The following PRICKLE3 variants were observed in gnomAD, a reference collection of about 807,000 sequenced individuals.
PRICKLE3 encodes the protein LIM domain only protein 6.
In PRICKLE3, 17 loss-of-function variants were observed where a neutral mutation model predicts 33.8. That is an observed-to-expected ratio of 0.50 (90% CI 0.34 to 0.75). The LOEUF (loss-of-function observed/expected upper bound fraction) is 0.75. Ranked by LOEUF, PRICKLE3 falls within the 30% of genes least tolerant of loss-of-function variation. PRICKLE3 has a pLI of 0.01. For synonymous variants in PRICKLE3, 211 were observed against 219.6 expected, an observed-to-expected ratio of 0.96 and a Z score of 0.34; for missense variants, 573 against 576.7, an observed-to-expected ratio of 0.99 and a Z score of 0.07.
At position 49,178,077 on chromosome X, in the gene PRICKLE3, C is replaced by T; in HGVS notation, c.871G>A (p.Val291Ile). 8.5e-7 allele frequency: 1 copy of T among 1,178,076 alleles called. No individual in the cohort carries two copies. Among genetic ancestry groups the T allele is most frequent in the African/African-American group, 1.7e-5 (1 of 57,186 alleles). The change falls in exon 7 of 9, where the codon GTC becomes ATC. Residue 291 changes from valine (V) to isoleucine (I), a missense_variant. Transcript: ENST00000599218. ...CEASLGGQRY[V>I]MRQSRPHCCA... Reference sequence around the variant, plus strand: ...CAGTGGGGGCGGCTCTGACGCATGACATAGCGCTGCCCTCCTAGTGAAGCT... The same window carrying T: ...CAGTGGGGGCGGCTCTGACGCATGATATAGCGCTGCCCTCCTAGTGAAGCT...
chrX:49,178,189 G>T lies in PRICKLE3; in HGVS notation c.769-10C>A. Reference sequence around the variant, plus strand: ...CAGGGGAGAAGATGATCTGGAGGGCGCAGGCCATCTGTGGCTGTCAGATGA... The same window carrying T: ...CAGGGGAGAAGATGATCTGGAGGGCTCAGGCCATCTGTGGCTGTCAGATGA... On this transcript the variant is annotated splice_polypyrimidine_tract_variant and intron_variant, in intron 6 of 8. Transcript: ENST00000599218. 1 of 1,193,229 alleles carries T rather than the reference G, an allele frequency of 8.4e-7. No homozygotes were observed. The highest frequency in any genetic ancestry group is 1.1e-6 in the Non-Finnish European group (1 of 883,520).
At chrX:49,182,938 C>T (rs2065464199) in intron 3 of PRICKLE3, among the ~76,000 whole-genome samples, 5 of 109,306 alleles carry the variant, frequency 4.6e-5, no homozygotes, top group African/African-American at 1.7e-4. Flanking sequence ...ATTCTCCTGC[C>T]TCAGCCTCCT....
At chrX:49,180,213 G>A (rs1220307700) in intron 3 of PRICKLE3, among the ~76,000 whole-genome samples, 1 of 109,080 alleles carries the variant, frequency 9.2e-6, no homozygotes, top group African/African-American at 3.3e-5. Flanking sequence ...TTTATTTTTA[G>A]TAGAGACAGG....
At chrX:49,182,421 T>C (rs2065461463) in intron 3 of PRICKLE3, among the ~76,000 whole-genome samples, 1 of 112,135 alleles carries the variant, frequency 8.9e-6, no homozygotes, top group Non-Finnish European at 1.9e-5. Flanking sequence ...CAAAGTCCTC[T>C]CCATAGCCCC....
intron 8 of PRICKLE3, 51 bp from the exon 9 acceptor site, chrX:49,176,316 C>A: frequency 1.0e-6 from 1 of 972,938 alleles, no homozygotes; most frequent in African/African-American, 2.0e-5. Context: ...CCCACTGGCC[C>A]CCTCCTAAGA....
intron 7 of PRICKLE3, 138 bp downstream of exon 7, chrX:49,177,855 G>T: frequency 2.9e-6 from 2 of 683,422 alleles, no homozygotes; most frequent in Non-Finnish European, 4.2e-6. Flanking sequence ...AAGCGTACAG[G>T]TCTATAGTGT....
chrX:49,178,413 G>A lies in PRICKLE3; in HGVS notation c.627C>T (p.Ala209=). ...AVFASRAGLG[A]CWHPQCFVCT... is the part of the protein sequence containing the mutation. ...ACACGAAGCACTGTGGGTGCCAGCA[G>A]GCACCCAGGCCTGCACGGCTGGCAA... Residue 209 remains alanine, a synonymous_variant, in exon 6 of 9, where the codon GCC becomes GCT. Coordinates refer to ENST00000599218, the MANE Select transcript of PRICKLE3 (RefSeq NM_006150.5). 2 of 1,212,056 alleles carry A rather than the reference G, an allele frequency of 1.7e-6. No individual in the cohort carries two copies. Among genetic ancestry groups the A allele is most frequent in the Non-Finnish European group, 2.2e-6 (2 of 895,407 alleles).
chrX:49,183,997 C>A, intron 2 of PRICKLE3, 80 bp from the exon 3 acceptor site: 1 of 1,081,400 alleles, frequency 9.2e-7, no homozygotes. Context: ...AATGGAGGAG[C>A]GGGGACATAC....
In PRICKLE3 at chrX:49,184,670, T is replaced by G; in HGVS notation, c.83A>C (p.Asn28Thr). ...GCCAGGGCACTGCTCCCTACAGGAG[T>G]TGCAGGGCTGGCCCCGGTCTGGGTC... is the stretch of plus-strand genomic sequence containing the variant. The part of the protein sequence containing the change: ...AEDPDRGQPC[N>T]SCREQCPGFL... Residue 28 changes from asparagine to threonine, a missense_variant, in exon 2 of 9, where the codon AAC (asparagine) becomes ACC (threonine). Coordinates refer to ENST00000599218, the MANE Select transcript of PRICKLE3 (RefSeq NM_006150.5). 1 of 1,149,025 alleles carries G rather than the reference T, an allele frequency of 8.7e-7. No homozygotes were observed. Among genetic ancestry groups the G allele is most frequent in the Admixed American group, 2.7e-5 (1 of 37,606 alleles). 94.7% of individuals were successfully genotyped at this position (1,149,025 alleles called of 1,213,427 possible). A position where few individuals can be genotyped will look rare whatever the true frequency, so the allele number is the denominator to read the frequency against.
Position 49,176,273 on chromosome X carries a change from G to A in PRICKLE3, c.1256-8C>T, listed in dbSNP as rs1046644912. ...GCTCCTCAGGGCCTGTAGCTGTTAAGGGGGAGACAGAGTGACTCCTTGTAT... is the reference window on the plus strand; with the variant it reads ...GCTCCTCAGGGCCTGTAGCTGTTAAAGGGGAGACAGAGTGACTCCTTGTAT... On this transcript the variant is annotated splice_region_variant and splice_polypyrimidine_tract_variant and intron_variant, in intron 8 of 8. Transcript: ENST00000599218. 2 of 1,114,075 alleles carry A rather than the reference G, an allele frequency of 1.8e-6. No individual in the cohort carries two copies. Among genetic ancestry groups the A allele is most frequent in the East Asian group, 3.1e-5 (1 of 32,298 alleles). The allele number at this position is 1,114,075 out of a possible 1,213,427, so 91.8% of individuals were successfully genotyped here. A position where few individuals can be genotyped will look rare whatever the true frequency, so the allele number is the denominator to read the frequency against.
rs1205636805 is a variant in PRICKLE3 at position 49,176,185 on chromosome X, C to A, written c.1336G>T (p.Val446Phe). 2.6e-6 allele frequency: 3 copies of A among 1,174,615 alleles called. No homozygotes were observed. In the Admixed American group the frequency reaches 7.2e-5, roughly 28 times the overall value. ...GGGGACTCTGGGGGCGGCTCGGGGA[C>A]ACTGCGGAGCCCCAGTTCCGGCATG... ...HSMPELGLRS[V>F]PEPPPESPGQ... Residue 446 changes from valine to phenylalanine, a missense_variant, in exon 9 of 9, where the codon GTC (valine) becomes TTC (phenylalanine). Physicochemically the swap from Val to Phe is conservative, Grantham distance 50. Coordinates refer to ENST00000599218, the MANE Select transcript of PRICKLE3 (RefSeq NM_006150.5).
rs2065482542 is a variant in PRICKLE3, at chrX:49,186,239, C to T, written c.42+17G>A. 1.7e-6 allele frequency: 2 copies of T among 1,155,486 alleles called. No homozygotes were observed. Among genetic ancestry groups the T allele is most frequent in the African/African-American group, 1.8e-5 (1 of 55,159 alleles). On this transcript the variant is annotated intron_variant, in intron 1 of 8. Transcript: ENST00000599218. ...AGTTTACCCCCGACCCCCACCGCTG[C>T]CCTGACTCCCGCTCACCGCACGCCC...
chrX:49,185,622 C>T (rs1231089238), intron 1 of PRICKLE3, among the ~76,000 whole-genome samples: 1 of 111,165 alleles, frequency 9.0e-6, no homozygotes, highest in East Asian at 2.8e-4. Flanking sequence ...GGAGGTCGGC[C>T]AGGCTCGGTG....
Position 49,179,808 on chromosome X carries a change from T to G in PRICKLE3, c.313-2A>C. The G allele has an allele frequency of 1.9e-6, 2 of 1,052,343 alleles. No individual in the cohort carries two copies. The highest frequency in any genetic ancestry group is 1.3e-6 in the Non-Finnish European group (1 of 778,831). 86.7% of individuals were successfully genotyped at this position (1,052,343 alleles called of 1,213,427 possible). A position where few individuals can be genotyped will look rare whatever the true frequency, so the allele number is the denominator to read the frequency against. On this transcript the variant is annotated splice_acceptor_variant, in intron 3 of 8. Coordinates refer to ENST00000599218, the MANE Select transcript of PRICKLE3 (RefSeq NM_006150.5). LOFTEE classifies it high-confidence loss of function. ...GAGGCAGCTGAAAAATTGATATACC[T>G]GGGAGGACATAGGAGTGGGAGAAAA...
chrX:49,179,778 T>C lies in PRICKLE3; in HGVS notation c.341A>G (p.Glu114Gly), dbSNP rs782239103. The C allele has an allele frequency of 5.2e-6, 6 of 1,158,540 alleles. No individual in the cohort carries two copies. Among genetic ancestry groups the C allele is most frequent in the Middle Eastern group, 2.4e-4 (1 of 4,208 alleles). Residue 114 changes from glutamate to glycine, a missense_variant, in exon 4 of 9, where the codon GAG becomes GGG. Transcript: ENST00000599218. ...QVYQFFSCLP[E>G]DKVPYVNSPG... ...ACTGTTGACGTAGGGGACCTTGTCC[T>C]CTGGGAGGCAGCTGAAAAATTGATA...
chrX:49,181,349 CAG>C (rs1285788714), intron 3 of PRICKLE3, among the ~76,000 whole-genome samples: 63 of 94,758 alleles, frequency 6.6e-4, no homozygotes, highest in Middle Eastern at 5.6e-3. Context: ...ACCTGGGAGA[CAG>C]AGTGAGACCC....
At chrX:49,177,290 G>T in intron 7 of PRICKLE3, 88 bp from the exon 8 acceptor site, 2 of 972,762 alleles carry the variant, frequency 2.1e-6, no homozygotes, top group African/African-American at 1.9e-5. Context: ...TCAAGAAGAG[G>T]TGGGGAATCC....
intron 3 of PRICKLE3, among the ~76,000 whole-genome samples, chrX:49,181,439 C>T (rs1385234806): frequency 6.8e-5 from 6 of 87,593 alleles, no homozygotes; most frequent in Non-Finnish European, 8.7e-5. Flanking sequence ...ATATTATTTA[C>T]GTAAATTATA....
chrX:49,174,866 G>C lies in PRICKLE3; in HGVS notation c.*807C>G, dbSNP rs1321435498. The C allele has an allele frequency of 1.2e-5, 6 of 511,051 alleles. No individual in the cohort carries two copies. The highest frequency in any genetic ancestry group is 2.1e-5 in the Non-Finnish European group (6 of 282,088). 42.1% of individuals were successfully genotyped at this position (511,051 alleles called of 1,213,427 possible). On this transcript the variant is annotated 3_prime_UTR_variant, in exon 9 of 9. Transcript: ENST00000599218. Reference sequence around the variant, plus strand: ...CCAGCCTGCCAATCAACCCTCCTGGGTGTGGCCACCATATGTGTGTGCCTA... The same window carrying C: ...CCAGCCTGCCAATCAACCCTCCTGGCTGTGGCCACCATATGTGTGTGCCTA...
Sources: gnomAD v4.1 joint callset for allele counts (sites outside exome capture counted in the v4.1 genomes callset) on GRCh38, gnomAD v4.1.1 for gene constraint, MANE v1.5 for transcripts, NCBI Gene and HGNC (gene_info 2026-07-23, HGNC 2026-07-21) for gene names.